DAB1: variants seen among roughly 807,000 people sequenced by gnomAD.
DAB1 encodes the protein DAB adaptor protein 1, also known as disabled homolog 1.
DAB1 carries 15 observed loss-of-function variants against 64.6 expected under a neutral mutation model. The observed-to-expected ratio is 0.23, with a 90% CI of 0.16 to 0.36. The LOEUF (loss-of-function observed/expected upper bound fraction) is 0.36, where lower values mean the gene tolerates loss of function less well. Among genes scored for constraint, DAB1 ranks in the 10% least tolerant of loss-of-function variants. The pLI is 1.00. For synonymous variants in DAB1, 235 were observed against 251.9 expected (o/e 0.93, Z 0.64); for missense variants, 596 against 706.7 (o/e 0.84, Z 1.78).
chr1:57,913,894 G>A (rs1437182919), intron 5 of DAB1, among the ~76,000 whole-genome samples: 5 of 152,188 alleles, frequency 3.3e-5, no homozygotes, highest in Non-Finnish European at 7.3e-5. Flanking sequence ...ACCACATTGA[G>A]ATACCATCTC....
At chr1:57,934,544 T>C (rs776847570) in intron 5 of DAB1, among the ~76,000 whole-genome samples, 17 of 152,176 alleles carry the variant, frequency 1.1e-4, no homozygotes, top group Non-Finnish European at 2.4e-4. Context: ...CTAGCATTTA[T>C]TCAGTGATCA....
chr1:57,418,392 T>C (rs1684652302), intron 1 of DAB1, among the ~76,000 whole-genome samples: 2 of 152,202 alleles, frequency 1.3e-5, no homozygotes, highest in African/African-American at 4.8e-5. Context: ...CCTGAATTGA[T>C]GGATACCAAG....
At chr1:58,383,717 A>G (rs1251918997) in intron 3 of DAB1, among the ~76,000 whole-genome samples, 1 of 152,168 alleles carries the variant, frequency 6.6e-6, no homozygotes, top group Non-Finnish European at 1.5e-5. Flanking sequence ...TGCCTTTTCT[A>G]AGGCTTCCCT....
chr1:57,844,364 A>C (rs901457315), intron 1 of DAB1, among the ~76,000 whole-genome samples: 1 of 152,248 alleles, frequency 6.6e-6, no homozygotes. Flanking sequence ...ATGAATGAAT[A>C]TGAATCTTAT....
At position 58,267,734 on chromosome 1, in the gene DAB1, A is replaced by G. The variant is rs570472338; in HGVS notation, n.309+75618T>C. 5.3e-5 allele frequency among the ~76,000 whole-genome samples: 8 copies of G among 152,344 alleles called. No individual in the cohort carries two copies. The East Asian group carries it at 1.3e-3, about 26-fold the overall frequency. ...TAAGTATATAACAAGAACCTTATAC[A>G]CAATACCTTCTATTTTTTTAACCCA... On this transcript the variant is annotated intron_variant and non_coding_transcript_variant, in intron 4 of 20. Transcript: ENST00000485760.
intron 3 of DAB1, among the ~76,000 whole-genome samples, chr1:58,470,449 T>C (rs947099020): frequency 1.3e-5 from 2 of 151,904 alleles, no homozygotes; most frequent in Non-Finnish European, 2.9e-5. Flanking sequence ...GCTGAAATTA[T>C]AGGCATGAGC....
intron 6 of DAB1, among the ~76,000 whole-genome samples, chr1:57,781,120 CTCTCTCTATATATATATATATA>C (rs1323044237): frequency 1.1e-3 from 54 of 48,320 alleles, no homozygotes; most frequent in African/African-American, 4.7e-3. Flanking sequence ...CTCTCTCTCT[CTCTCTCTATATATATATATATA>C]TATATATATA....
chr1:57,687,599 C>CAAAAAAAAAAAAA (rs57316234), intron 6 of DAB1, among the ~76,000 whole-genome samples: 17 of 82,448 alleles, frequency 2.1e-4, no homozygotes, highest in East Asian at 3.7e-4. Context: ...TCTTAAGAAA[C>CAAAAAAAAAAAAA]AAAAAAAAAA....
chr1:57,136,189 T>C (rs769858168), intron 4 of DAB1, among the ~76,000 whole-genome samples: 11 of 152,092 alleles, frequency 7.2e-5, no homozygotes, highest in Non-Finnish European at 1.3e-4. Flanking sequence ...AGTCAAAAGA[T>C]GTACATGTAT....
chr1:57,979,049 A>C (rs1002319160), intron 5 of DAB1, among the ~76,000 whole-genome samples: 2 of 152,172 alleles, frequency 1.3e-5, no homozygotes, highest in African/African-American at 4.8e-5. Flanking sequence ...TTGACCCAGC[A>C]ATCCCATTAC....
chr1:58,441,644 A>G (rs1014692284), intron 3 of DAB1, among the ~76,000 whole-genome samples: 1 of 152,096 alleles, frequency 6.6e-6, no homozygotes, highest in Non-Finnish European at 1.5e-5. Context: ...TCCCTAAGGA[A>G]GTTTCTGTGT....
intron 2 of DAB1, among the ~76,000 whole-genome samples, chr1:57,185,979 C>T (rs997062419): frequency 2.0e-5 from 3 of 152,068 alleles, no homozygotes; most frequent in African/African-American, 7.2e-5. Context: ...CTCACAGCCA[C>T]GAAATCACTG....
At chr1:57,683,029 C>T (rs1646654637) in intron 6 of DAB1, among the ~76,000 whole-genome samples, 1 of 152,164 alleles carries the variant, frequency 6.6e-6, no homozygotes, top group Non-Finnish European at 1.5e-5. Context: ...TAGTTTGGAT[C>T]CCCAAGCACA....
chr1:57,435,573 C>T (rs531126870), intron 7 of DAB1, among the ~76,000 whole-genome samples: 128 of 152,146 alleles, frequency 8.4e-4, no homozygotes, highest in African/African-American at 3.0e-3. Context: ...TTGTTAAAAA[C>T]AAAGACACAA....
At chr1:57,626,273 G>A (rs890135517) in intron 7 of DAB1, among the ~76,000 whole-genome samples, 18 of 152,240 alleles carry the variant, frequency 1.2e-4, no homozygotes, top group Middle Eastern at 6.8e-3. Flanking sequence ...GTGCTCTCTG[G>A]GCTGCAGGAA....
At chr1:58,444,361 T>C (rs1047804092) in intron 3 of DAB1, among the ~76,000 whole-genome samples, 1 of 152,240 alleles carries the variant, frequency 6.6e-6, no homozygotes, top group Non-Finnish European at 1.5e-5. Context: ...GAATTCTCCC[T>C]TATAGAGATA....
At chr1:57,583,290 C>CT (rs34464140) in intron 7 of DAB1, among the ~76,000 whole-genome samples, 3,892 of 136,328 alleles carry the variant, frequency 0.029, 184 homozygotes, top group African/African-American at 0.087. Flanking sequence ...TTTTTCTTTT[C>CT]TTTTTTTTTT....
intron 14 of DAB1, among the ~76,000 whole-genome samples, chr1:57,010,009 A>G (rs889672016): frequency 1.3e-5 from 2 of 152,170 alleles, no homozygotes; most frequent in Admixed American, 1.3e-4. Flanking sequence ...ATCAGAAAGG[A>G]TGCAGGGTGC....
chr1:58,016,667 AC>A (rs1646744675), intron 5 of DAB1, among the ~76,000 whole-genome samples: 1 of 152,076 alleles, frequency 6.6e-6, no homozygotes, highest in Admixed American at 6.6e-5. Context: ...AAAGCCCTGA[AC>A]GACCTTAATT....
Sources: allele counts gnomAD v4.1 joint callset (sites outside exome capture counted in the v4.1 genomes callset), GRCh38; gene constraint gnomAD v4.1.1; transcripts MANE v1.5; gene names NCBI Gene and HGNC (gene_info 2026-07-23, HGNC 2026-07-21).